The following FARS2 variants were observed in gnomAD, a reference collection of about 807,000 sequenced individuals.
FARS2 encodes the protein phenylalanine--tRNA ligase, mitochondrial.
Under a neutral mutation model 46.4 loss-of-function variants are expected in FARS2, and 40 were observed. The observed-to-expected ratio is 0.86, with a 90% CI of 0.67 to 1.12. The LOEUF is 1.12. Among genes scored for constraint, FARS2 ranks in the 50% most tolerant of loss-of-function variants. FARS2 has a pLI of 0.00. For missense variants in FARS2, 513 were observed against 567.9 expected (o/e 0.90, Z 0.98); for synonymous variants, 234 against 214.9 (o/e 1.09, Z -0.78).
rs145641672 is a variant in FARS2, at chr6:5,439,298, C to A, written c.904+8126C>A. On this transcript the variant is annotated intron_variant, in intron 4 of 6. Coordinates refer to ENST00000274680, the MANE Select transcript of FARS2 (RefSeq NM_006567.5). ...TAGAATTCGGGCATCCTTTCCTGGG[C>A]TTTCTCTACCCCAAGATCATACCCT... 1.6e-3 allele frequency among the ~76,000 whole-genome samples: 244 copies of A among 152,314 alleles called. 2 individuals carry two copies. Among genetic ancestry groups the A allele is most frequent in the South Asian group, 2.7e-3 (13 of 4,830 alleles).
At chr6:5,614,347 G>A (rs746225409) in intron 6 of FARS2, among the ~76,000 whole-genome samples, 2 of 151,484 alleles carry the variant, frequency 1.3e-5, no homozygotes, top group African/African-American at 4.9e-5. Context: ...TATCTAAATT[G>A]TCAGGGCTCC....
chr6:5,356,174 C>T (rs1229966359), intron 1 of FARS2, among the ~76,000 whole-genome samples: 2 of 152,306 alleles, frequency 1.3e-5, no homozygotes, highest in South Asian at 2.1e-4. Context: ...GACGGCTAGG[C>T]GCTGTGGCTT....
At chr6:5,697,311 A>G (rs1758166513) in intron 6 of FARS2, among the ~76,000 whole-genome samples, 1 of 152,224 alleles carries the variant, frequency 6.6e-6, no homozygotes, top group South Asian at 2.1e-4. Flanking sequence ...AAGGAAACAG[A>G]CCGATGGCTG....
intron 6 of FARS2, among the ~76,000 whole-genome samples, chr6:5,627,144 A>G (rs1776074448): frequency 1.3e-5 from 2 of 152,228 alleles, no homozygotes; most frequent in Non-Finnish European, 2.9e-5. Flanking sequence ...CAGCTCCACT[A>G]TAATCTTATG....
chr6:5,661,726 G>A (rs1777859383), intron 6 of FARS2, among the ~76,000 whole-genome samples: 1 of 152,184 alleles, frequency 6.6e-6, no homozygotes, highest in Admixed American at 6.5e-5. Context: ...GATAGAGTGG[G>A]TTGAAAATGA....
chr6:5,682,320 T>C (rs546673142), intron 6 of FARS2, among the ~76,000 whole-genome samples: 76 of 152,352 alleles, frequency 5.0e-4, no homozygotes, highest in African/African-American at 1.8e-3. Context: ...GAAAATTTAA[T>C]GGCAGATGAG....
At chr6:5,755,927 G>A (rs1192035311) in intron 6 of FARS2, among the ~76,000 whole-genome samples, 2 of 152,208 alleles carry the variant, frequency 1.3e-5, no homozygotes, top group Non-Finnish European at 2.9e-5. Flanking sequence ...AATTTTCAGG[G>A]TAGGCTTCTT....
intron 1 of FARS2, among the ~76,000 whole-genome samples, chr6:5,362,939 T>TTC (rs1392853876): frequency 4.1e-5 from 6 of 147,324 alleles, no homozygotes; most frequent in Non-Finnish European, 1.5e-5. Context: ...TTTTTTTTTT[T>TTC]TTTTTGACAT....
At chr6:5,366,203 T>C (rs1373989339) in intron 1 of FARS2, among the ~76,000 whole-genome samples, 1 of 152,180 alleles carries the variant, frequency 6.6e-6, no homozygotes, top group Non-Finnish European at 1.5e-5. Flanking sequence ...TACGTGATCT[T>C]TTTGAGCTTT....
intron 6 of FARS2, among the ~76,000 whole-genome samples, chr6:5,655,625 C>T (rs1000256287): frequency 6.6e-6 from 1 of 152,176 alleles, no homozygotes; most frequent in African/African-American, 2.4e-5. Flanking sequence ...GACTCTGGCC[C>T]TCCTGCCTCC....
chr6:5,620,663 C>T (rs539480464), intron 6 of FARS2, among the ~76,000 whole-genome samples: 3 of 151,738 alleles, frequency 2.0e-5, no homozygotes, highest in South Asian at 2.1e-4. Flanking sequence ...GTTCAGAATA[C>T]CCCACCTGGG....
rs1194186345 is a variant in FARS2, at chr6:5,649,729, G to A, written c.1217+36409G>A. Among the ~76,000 whole-genome samples the A allele has an allele frequency of 2.0e-5, 3 of 152,306 alleles. No individual in the cohort carries two copies. The East Asian group carries it at 5.8e-4, about 29-fold the overall frequency. ...CTCAGTCCACACAAGTAGGTAAGTG[G>A]CAAAGCTGGGATTGAACCCCCAGTC... On this transcript the variant is annotated intron_variant, in intron 6 of 6. Coordinates refer to ENST00000274680, the MANE Select transcript of FARS2 (RefSeq NM_006567.5).
intron 1 of FARS2, among the ~76,000 whole-genome samples, chr6:5,335,472 G>T (rs571243913): frequency 2.6e-5 from 4 of 152,028 alleles, no homozygotes; most frequent in Non-Finnish European, 5.9e-5. Context: ...GATGTTATTT[G>T]TTTTTTTACC....
chr6:5,753,312 G>A (rs1363147360), intron 6 of FARS2, among the ~76,000 whole-genome samples: 1 of 152,158 alleles, frequency 6.6e-6, no homozygotes, highest in Non-Finnish European at 1.5e-5. Flanking sequence ...GTGCCCTCTC[G>A]GACATTTTTC....
intron 6 of FARS2, among the ~76,000 whole-genome samples, chr6:5,759,456 A>G (rs896427118): frequency 6.6e-5 from 10 of 152,002 alleles, no homozygotes; most frequent in Non-Finnish European, 1.3e-4. Context: ...GTTTTGTTTT[A>G]TTCCACCATT....
chr6:5,432,323 AAAAAATATATATATAT>A (rs1763223177), intron 4 of FARS2, among the ~76,000 whole-genome samples: 2 of 39,834 alleles, frequency 5.0e-5, no homozygotes, highest in Admixed American at 3.3e-4. Context: ...TTAAAAAAAA[AAAAAATATATATATAT>A]ATATATATAT....
intron 1 of FARS2, among the ~76,000 whole-genome samples, chr6:5,337,188 G>GTATATA (rs35240833): frequency 0.025 from 3,704 of 148,400 alleles, 69 homozygotes; most frequent in South Asian, 0.064. Context: ...TATGTAATAT[G>GTATATA]TATATATATA....
At chr6:5,604,181 C>T (rs1263161521) in intron 5 of FARS2, among the ~76,000 whole-genome samples, 3 of 152,118 alleles carry the variant, frequency 2.0e-5, no homozygotes, top group Non-Finnish European at 2.9e-5. Flanking sequence ...GTGGCTTATG[C>T]GGATATGTGC....
intron 4 of FARS2, among the ~76,000 whole-genome samples, chr6:5,444,071 C>T (rs1763991104): frequency 6.7e-6 from 1 of 149,396 alleles, no homozygotes. Context: ...TTTGAAAAGC[C>T]ACTGATATAT....
Sources: allele counts gnomAD v4.1 joint callset (sites outside exome capture counted in the v4.1 genomes callset), GRCh38; gene constraint gnomAD v4.1.1; transcripts MANE v1.5; gene names NCBI Gene and HGNC (gene_info 2026-07-23, HGNC 2026-07-21).